The following HDAC4 variants were observed in gnomAD, a reference collection of about 807,000 sequenced individuals.
HDAC4 encodes histone deacetylase A.
In HDAC4, 16 loss-of-function variants were observed where a neutral mutation model predicts 135.1. That is an observed-to-expected ratio of 0.12 (90% CI 0.08 to 0.18). The LOEUF is 0.18. Ranked by LOEUF, HDAC4 falls within the 10% of genes least tolerant of loss-of-function variation. The pLI is 1.00. For missense variants in HDAC4, 1,143 were observed against 1,511.8 expected, an observed-to-expected ratio of 0.76 and a Z score of 4.05; for synonymous variants, 685 against 653.4, an observed-to-expected ratio of 1.05 and a Z score of -0.74.
chr2:239,230,368 C>CAAAAAAAAAAA (rs56105562), intron 3 of HDAC4, among the ~76,000 whole-genome samples: 20 of 79,348 alleles, frequency 2.5e-4, no homozygotes, highest in African/African-American at 7.8e-4. Flanking sequence ...AGCAAGCAAG[C>CAAAAAAAAAAA]AAAAAAAAAA....
At chr2:239,140,954 G>T (rs1006228519) in intron 8 of HDAC4, 6 of 451,258 alleles carry the variant, frequency 1.3e-5, no homozygotes, top group African/African-American at 8.1e-5. Context: ...GAGGAGGGTG[G>T]GGGAACAGGT....
intron 12 of HDAC4, among the ~76,000 whole-genome samples, chr2:239,119,754 C>A (rs1276898582): frequency 6.6e-6 from 1 of 152,150 alleles, no homozygotes; most frequent in African/African-American, 2.4e-5. Context: ...AGTGGATGGG[C>A]AGGAGAGGCT....
intron 12 of HDAC4, among the ~76,000 whole-genome samples, chr2:239,121,362 C>T (rs1049923158): frequency 2.0e-5 from 3 of 152,130 alleles, no homozygotes; most frequent in Non-Finnish European, 2.9e-5. Context: ...GGGGTCATAG[C>T]GGGGGTCAGC....
intron 25 of HDAC4, among the ~76,000 whole-genome samples, chr2:239,053,871 G>C (rs1455737921): frequency 6.6e-6 from 1 of 152,158 alleles, no homozygotes; most frequent in Non-Finnish European, 1.5e-5. Context: ...GGAGGCTCCT[G>C]TAGGCCTGGC....
In HDAC4 at chr2:239,048,407, C is replaced by T. The variant is rs897853154; in HGVS notation, c.*4690G>A. 2.6e-5 allele frequency: 4 copies of T among 152,194 alleles called. No individual in the cohort carries two copies. The highest frequency in any genetic ancestry group is 1.9e-4 in the East Asian group (1 of 5,194). 9.4% of individuals were successfully genotyped at this position (152,194 alleles called of 1,614,324 possible). ...GCACGTCCAGACAATCCAAGAGAAA[C>T]GGATTAAATTACAGAGGTGAATGGT... On this transcript the variant is annotated 3_prime_UTR_variant, in exon 27 of 27. Coordinates refer to ENST00000543185, the MANE Select transcript of HDAC4 (RefSeq NM_001378414.1).
chr2:239,061,533 TGTGGTGTGCATGA>T (rs1207864241), intron 24 of HDAC4, among the ~76,000 whole-genome samples: 1 of 151,842 alleles, frequency 6.6e-6, no homozygotes, highest in African/African-American at 2.4e-5. Flanking sequence ...GGTGTGCATG[TGTGGTGTGCATGA>T]GCAAGGATGC....
intron 17 of HDAC4, among the ~76,000 whole-genome samples, chr2:239,092,718 G>C (rs1399126601): frequency 6.6e-6 from 1 of 152,192 alleles, no homozygotes; most frequent in African/African-American, 2.4e-5. Flanking sequence ...GACCAGCCTG[G>C]AGCTCCAGGC....
intron 22 of HDAC4, among the ~76,000 whole-genome samples, chr2:239,076,604 C>A (rs572602089): frequency 6.6e-6 from 1 of 152,202 alleles, no homozygotes. Context: ...CACCCACAGC[C>A]GGCAAGCCTC....
chr2:239,094,093 C>T (rs933050224), intron 17 of HDAC4: 12 of 985,448 alleles, frequency 1.2e-5, no homozygotes, highest in East Asian at 2.3e-4. Context: ...CACACTGCAC[C>T]GTTTCGGCTG....
At position 239,245,679 on chromosome 2, in the gene HDAC4, G is replaced by A. The variant is rs1032811704; in HGVS notation, c.23-9015C>T. The stretch of plus-strand genomic sequence containing the variant: ...TGGCGGGAGGTGGCTGTGGGCACTC[G>A]CTCTATGCACTGGTCTCTTTCCTTT... On this transcript the variant is annotated intron_variant, in intron 2 of 26. Coordinates refer to ENST00000543185, the MANE Select transcript of HDAC4 (RefSeq NM_001378414.1). The surrounding 1 kb of genome is among the most constrained non-coding windows in gnomAD (Gnocchi z 4.4). 3.3e-5 allele frequency among the ~76,000 whole-genome samples: 5 copies of A among 152,082 alleles called. No homozygotes were observed. Among genetic ancestry groups the A allele is most frequent in the Admixed American group, 2.6e-4 (4 of 15,274 alleles).
At chr2:239,378,218 G>A (rs1201318631) in intron 1 of HDAC4, among the ~76,000 whole-genome samples, 1 of 152,094 alleles carries the variant, frequency 6.6e-6, no homozygotes, top group African/African-American at 2.4e-5. Flanking sequence ...GGGCATCCGT[G>A]ACAGCTTGGG....
chr2:239,392,355 T>C (rs1042193100), intron 1 of HDAC4, among the ~76,000 whole-genome samples: 15 of 152,268 alleles, frequency 9.9e-5, no homozygotes, highest in Non-Finnish European at 1.9e-4. Flanking sequence ...ACAGAGCCCT[T>C]GAGCTGGCAA....
chr2:239,357,572 A>T lies in HDAC4; in HGVS notation c.-219-4654T>A, dbSNP rs556353503. ...GCAGAGCTGATAAAGAGAAAAGACA[A>T]AGATTAACAATATCGAGAATGAGAG... On this transcript the variant is annotated intron_variant, in intron 1 of 26. Coordinates refer to ENST00000543185, the MANE Select transcript of HDAC4 (RefSeq NM_001378414.1). Among the ~76,000 whole-genome samples, 3 of 152,088 alleles carry T rather than the reference A, an allele frequency of 2.0e-5. No individual in the cohort carries two copies. The South Asian group carries it at 6.2e-4, about 32-fold the overall frequency.
At chr2:239,296,606 G>A (rs1047856641) in intron 2 of HDAC4, among the ~76,000 whole-genome samples, 2 of 152,138 alleles carry the variant, frequency 1.3e-5, no homozygotes, top group Non-Finnish European at 1.5e-5. Flanking sequence ...TTAGGACTTC[G>A]CATTTATCTA....
At chr2:239,161,049 G>A (rs1030390493) in intron 6 of HDAC4, among the ~76,000 whole-genome samples, 26 of 152,312 alleles carry the variant, frequency 1.7e-4, no homozygotes, top group Non-Finnish European at 1.8e-4. Context: ...CAGCCATCTT[G>A]AGCATCTTTT....
intron 3 of HDAC4, among the ~76,000 whole-genome samples, chr2:239,207,692 A>G (rs1376349818): frequency 6.6e-6 from 1 of 152,208 alleles, no homozygotes; most frequent in Non-Finnish European, 1.5e-5. Flanking sequence ...AACAGAATTA[A>G]CCCTATAATC....
intron 3 of HDAC4, among the ~76,000 whole-genome samples, chr2:239,199,358 G>A (rs2045610554): frequency 6.6e-6 from 1 of 152,058 alleles, no homozygotes. Flanking sequence ...CTCTCATCAG[G>A]GTTAAAAACA....
intron 2 of HDAC4, among the ~76,000 whole-genome samples, chr2:239,347,674 C>G (rs976490090): frequency 6.6e-6 from 1 of 152,112 alleles, no homozygotes; most frequent in African/African-American, 2.4e-5. Context: ...GCCACCACGC[C>G]TGGCTAATTT....
intron 22 of HDAC4, among the ~76,000 whole-genome samples, chr2:239,071,016 C>G (rs2034142210): frequency 6.6e-6 from 1 of 151,336 alleles, no homozygotes; most frequent in South Asian, 2.1e-4. Context: ...GCAGCCAACT[C>G]AGGACTGGAA....
Sources: allele counts gnomAD v4.1 joint callset (sites outside exome capture counted in the v4.1 genomes callset), GRCh38; gene constraint gnomAD v4.1.1; non-coding constraint Gnocchi (gnomAD v3.1); transcripts MANE v1.5; gene names NCBI Gene and HGNC (gene_info 2026-07-23, HGNC 2026-07-21).